Variants in SDCCAG8 observed in about 807,000 individuals in gnomAD.
The protein encoded by SDCCAG8 is serologically defined colon cancer antigen 8.
A neutral mutation model predicts 101.8 loss-of-function variants in SDCCAG8; 74 were observed. The ratio of observed to expected loss-of-function variants is 0.73; its 90% CI spans 0.60 to 0.88. The LOEUF is 0.88. SDCCAG8 is among the 40% of genes least tolerant of loss of function. The pLI, the probability that SDCCAG8 is intolerant of heterozygous loss-of-function variation, is 0.00. For missense variants in SDCCAG8, 787 were observed against 822.6 expected, an observed-to-expected ratio of 0.96 and a Z score of 0.53; for synonymous variants, 281 against 292.9, an observed-to-expected ratio of 0.96 and a Z score of 0.41.
At chr1:243,488,111 CAACCCGAA>C (rs1665440194) in intron 16 of SDCCAG8, 1 of 152,272 alleles carries the variant, frequency 6.6e-6, no homozygotes, top group Admixed American at 6.5e-5. Context: ...GAACCTATCC[CAACCCGAA>C]GGCCCAAACG....
intron 16 of SDCCAG8, among the ~76,000 whole-genome samples, chr1:243,454,488 C>T (rs555446008): frequency 2.5e-4 from 38 of 152,206 alleles, no homozygotes; most frequent in African/African-American, 8.9e-4. Flanking sequence ...TTCCTTACCC[C>T]ACAGCCCCCG....
chr1:243,349,923 T>C (rs1179054379), intron 12 of SDCCAG8, among the ~76,000 whole-genome samples: 1 of 152,070 alleles, frequency 6.6e-6, no homozygotes, highest in Non-Finnish European at 1.5e-5. Context: ...ATGACTTTAA[T>C]GGAGCAATCA....
chr1:243,484,040 C>T (rs1664298270), intron 16 of SDCCAG8, among the ~76,000 whole-genome samples: 1 of 152,228 alleles, frequency 6.6e-6, no homozygotes, highest in African/African-American at 2.4e-5. Context: ...TCGGCCCTTC[C>T]TAAGCCCCAA....
chr1:243,420,297 T>C (rs1301901504), intron 15 of SDCCAG8, among the ~76,000 whole-genome samples: 1 of 152,230 alleles, frequency 6.6e-6, no homozygotes, highest in Non-Finnish European at 1.5e-5. Context: ...TAGAATTGTG[T>C]ATATAGATAC....
chr1:243,281,793 C>T (rs917770340), intron 4 of SDCCAG8, among the ~76,000 whole-genome samples: 1 of 151,466 alleles, frequency 6.6e-6, no homozygotes, highest in South Asian at 2.1e-4. Context: ...TACAGACATG[C>T]ACCACTATGC....
chr1:243,285,335 C>T (rs531768166), intron 4 of SDCCAG8, among the ~76,000 whole-genome samples: 5 of 152,274 alleles, frequency 3.3e-5, no homozygotes, highest in Middle Eastern at 3.4e-3. Flanking sequence ...CAGCAGTTTT[C>T]CCTATGACTT....
chr1:243,281,846 A>C (rs542988882), intron 4 of SDCCAG8, among the ~76,000 whole-genome samples: 1 of 151,868 alleles, frequency 6.6e-6, no homozygotes, highest in African/African-American at 2.4e-5. Context: ...GGGTCTCACT[A>C]TGTTGCCCAG....
chr1:243,286,151 A>G (rs892521330), intron 4 of SDCCAG8, 121 bp from the exon 5 acceptor site: 7 of 1,039,696 alleles, frequency 6.7e-6, no homozygotes, highest in South Asian at 5.4e-5. Context: ...ACATATAATT[A>G]TATTTCAGGA....
At chr1:243,286,691 A>T (rs1036178254) in intron 5 of SDCCAG8, among the ~76,000 whole-genome samples, 2 of 152,204 alleles carry the variant, frequency 1.3e-5, no homozygotes, top group African/African-American at 4.8e-5. Flanking sequence ...GGACTTTGCT[A>T]AGTCTAGAAA....
In SDCCAG8 at chr1:243,499,828, T is replaced by G. The variant is rs1372096004; in HGVS notation, c.*43T>G. 6.3e-7 allele frequency: 1 copy of G among 1,589,780 alleles called. No homozygotes were observed. The highest frequency in any genetic ancestry group is 8.6e-7 in the Non-Finnish European group (1 of 1,159,422). ...GAAATAAATGATTTACAAAGAGATA[T>G]TTACATTCATCTGGTTTAGACTTAA... On this transcript the variant is annotated 3_prime_UTR_variant, in exon 18 of 18. Coordinates refer to ENST00000366541, the MANE Select transcript of SDCCAG8 (RefSeq NM_006642.5).
chr1:243,452,409 C>CTTTTTTTTTTT (rs1558489172), intron 16 of SDCCAG8, among the ~76,000 whole-genome samples: 1 of 121,034 alleles, frequency 8.3e-6, no homozygotes, highest in Non-Finnish European at 1.7e-5. Flanking sequence ...GAGATGATCT[C>CTTTTTTTTTTT]ATCTCTTTTT....
At chr1:243,268,125 C>T (rs2149260014) in intron 1 of SDCCAG8, 1 of 666,172 alleles carries the variant, frequency 1.5e-6, no homozygotes, top group Non-Finnish European at 2.7e-6. Context: ...CTCATGGTCA[C>T]ACCACACTCC....
At chr1:243,386,115 C>G (rs1161989560) in intron 13 of SDCCAG8, among the ~76,000 whole-genome samples, 1 of 152,196 alleles carries the variant, frequency 6.6e-6, no homozygotes, top group African/African-American at 2.4e-5. Context: ...AGGAACCAAG[C>G]TGAGAGCTTC....
chr1:243,307,045 T>C (rs1305513651), intron 7 of SDCCAG8, among the ~76,000 whole-genome samples: 2 of 150,788 alleles, frequency 1.3e-5, no homozygotes, highest in African/African-American at 4.9e-5. Context: ...ATTTTTCAGC[T>C]AGAAAGTTTT....
chr1:243,351,530 A>G (rs750674656), intron 12 of SDCCAG8, among the ~76,000 whole-genome samples: 50 of 152,212 alleles, frequency 3.3e-4, no homozygotes, highest in Admixed American at 1.9e-3. Context: ...ATCTGGTTCC[A>G]TGTGTGTGAT....
At position 243,274,772 on chromosome 1, in the gene SDCCAG8, C is replaced by T. The variant is rs934567797; in HGVS notation, c.420+116C>T. On this transcript the variant is annotated intron_variant, in intron 4 of 17. Transcript: ENST00000366541. ...GTTTGTAGCAATACATTGACAATTG[C>T]TATTCTTACGTGATTGAGAGACTGA... is the stretch of plus-strand genomic sequence containing the variant. 86 of 657,224 alleles carry T rather than the reference C, an allele frequency of 1.3e-4. No homozygotes were observed. The East Asian group carries it at 2.4e-3, about 19-fold the overall frequency. 40.7% of individuals were successfully genotyped at this position (657,224 alleles called of 1,614,324 possible).
At chr1:243,425,560 A>C (rs367837748) in intron 15 of SDCCAG8, among the ~76,000 whole-genome samples, 2 of 152,272 alleles carry the variant, frequency 1.3e-5, no homozygotes, top group African/African-American at 4.8e-5. Context: ...AAACAATCCA[A>C]TCATTAACCT....
At chr1:243,392,643 C>G (rs888109845) in intron 13 of SDCCAG8, among the ~76,000 whole-genome samples, 1 of 152,098 alleles carries the variant, frequency 6.6e-6, no homozygotes, top group African/African-American at 2.4e-5. Context: ...GTGGAGGAAC[C>G]CAAATTCAGA....
rs1476678988 is a variant in SDCCAG8, at chr1:243,256,198, A to G, written c.25A>G (p.Thr9Ala). 6 of 1,613,968 alleles carry G rather than the reference A, an allele frequency of 3.7e-6. No individual in the cohort carries two copies. The highest frequency in any genetic ancestry group is 5.1e-6 in the Non-Finnish European group (6 of 1,179,992). The change falls in exon 1 of 18, where the codon ACC becomes GCC. Residue 9 changes from threonine (T) to alanine (A), a missense_variant. Coordinates refer to ENST00000366541, the MANE Select transcript of SDCCAG8 (RefSeq NM_006642.5). MAKSPENS[T>A]LEEILGQYQR... ...CATGGCGAAGTCCCCGGAGAACTCT[A>G]CCCTGGAGGAGATTCTGGGGCAGTA...
Sources: gnomAD v4.1 joint callset for allele counts (sites outside exome capture counted in the v4.1 genomes callset) on GRCh38, gnomAD v4.1.1 for gene constraint, MANE v1.5 for transcripts, NCBI Gene and HGNC (gene_info 2026-07-23, HGNC 2026-07-21) for gene names.